The following LRP1B variants were observed in gnomAD, a reference collection of about 807,000 sequenced individuals.
LRP1B encodes LDL receptor related protein 1B, also known as low-density lipoprotein receptor-related protein 1B.
Under a neutral mutation model 556.6 loss-of-function variants are expected in LRP1B, and 217 were observed. The ratio of observed to expected loss-of-function variants is 0.39; its 90% CI spans 0.35 to 0.44. LRP1B has a LOEUF of 0.44. Among genes scored for constraint, LRP1B ranks in the 20% least tolerant of loss-of-function variants. LRP1B has a pLI of 1.00. For missense variants in LRP1B, 5,053 were observed against 5,620.8 expected, an observed-to-expected ratio of 0.90 and a Z score of 3.23; for synonymous variants, 2,047 against 1,865.8, an observed-to-expected ratio of 1.10 and a Z score of -2.50.
chr2:140,631,983 A>G (rs1683903452), intron 41 of LRP1B, among the ~76,000 whole-genome samples: 1 of 152,158 alleles, frequency 6.6e-6, no homozygotes, highest in Non-Finnish European at 1.5e-5. Flanking sequence ...AACAAGCAAA[A>G]AGACTGGTAT....
chr2:141,588,343 A>G (rs1431370141), intron 2 of LRP1B, among the ~76,000 whole-genome samples: 1 of 151,980 alleles, frequency 6.6e-6, no homozygotes, highest in Admixed American at 6.6e-5. Context: ...CCTAGAAAAC[A>G]TAATACTGGC....
intron 41 of LRP1B, among the ~76,000 whole-genome samples, chr2:140,612,369 T>C (rs1317377638): frequency 6.6e-6 from 1 of 152,152 alleles, no homozygotes; most frequent in Non-Finnish European, 1.5e-5. Context: ...TTGTATTTCT[T>C]ACTAGCATTA....
At chr2:141,248,085 G>A (rs1418726016) in intron 4 of LRP1B, among the ~76,000 whole-genome samples, 1 of 152,014 alleles carries the variant, frequency 6.6e-6, no homozygotes, top group Non-Finnish European at 1.5e-5. Flanking sequence ...GTGTGTGCCT[G>A]TACCCCTTCA....
intron 1 of LRP1B, among the ~76,000 whole-genome samples, chr2:141,895,556 G>A (rs534599310): frequency 6.4e-4 from 98 of 152,300 alleles, no homozygotes; most frequent in African/African-American, 1.9e-3. Context: ...GTGAGGACTG[G>A]AGGAAAGGAA....
intron 1 of LRP1B, among the ~76,000 whole-genome samples, chr2:142,081,607 A>T (rs1202128461): frequency 6.6e-6 from 1 of 152,190 alleles, no homozygotes; most frequent in Non-Finnish European, 1.5e-5. Flanking sequence ...TTTGAATTTG[A>T]GGTTAACAAT....
At chr2:140,502,158 C>A (rs1689228338) in intron 54 of LRP1B, among the ~76,000 whole-genome samples, 1 of 151,956 alleles carries the variant, frequency 6.6e-6, no homozygotes, top group African/African-American at 2.4e-5. Flanking sequence ...ATTTCTGCCT[C>A]CTCTATTTTG....
intron 79 of LRP1B, among the ~76,000 whole-genome samples, chr2:140,332,099 G>T (rs911931809): frequency 6.6e-6 from 1 of 152,042 alleles, no homozygotes; most frequent in Non-Finnish European, 1.5e-5. Flanking sequence ...AAAACCAGGT[G>T]TATCTGACTC....
At chr2:141,462,089 T>C (rs577768375) in intron 3 of LRP1B, among the ~76,000 whole-genome samples, 1 of 152,318 alleles carries the variant, frequency 6.6e-6, no homozygotes, top group African/African-American at 2.4e-5. Context: ...AAAGTTGGTA[T>C]AAATCAATTT....
intron 2 of LRP1B, among the ~76,000 whole-genome samples, chr2:141,709,180 C>T (rs1413939832): frequency 6.6e-6 from 1 of 151,800 alleles, no homozygotes. Flanking sequence ...GAAACCCCGT[C>T]TCTACAAAAA....
At chr2:140,425,209 C>A (rs1028964688) in intron 66 of LRP1B, among the ~76,000 whole-genome samples, 9 of 152,150 alleles carry the variant, frequency 5.9e-5, no homozygotes, top group Non-Finnish European at 1.3e-4. Context: ...CTGTTAGTGA[C>A]AATAGATAGT....
intron 24 of LRP1B, among the ~76,000 whole-genome samples, chr2:140,885,811 A>G (rs1280660552): frequency 1.3e-5 from 2 of 151,950 alleles, no homozygotes; most frequent in African/African-American, 4.8e-5. Flanking sequence ...AAAAAAAAAA[A>G]AAAACAAGTT....
At chr2:141,780,581 C>T (rs76869360) in intron 2 of LRP1B, among the ~76,000 whole-genome samples, 1 of 152,260 alleles carries the variant, frequency 6.6e-6, no homozygotes, top group East Asian at 1.9e-4. Context: ...TTTAAGCTAT[C>T]GCGTGGCATC....
At chr2:142,094,686 CTG>C (rs1706296724) in intron 1 of LRP1B, among the ~76,000 whole-genome samples, 1 of 151,830 alleles carries the variant, frequency 6.6e-6, no homozygotes, top group African/African-American at 2.4e-5. Context: ...TGACACAACC[CTG>C]TGTTCTAGAA....
chr2:140,712,863 T>A (rs763553682), intron 37 of LRP1B, among the ~76,000 whole-genome samples: 9 of 152,088 alleles, frequency 5.9e-5, no homozygotes, highest in Non-Finnish European at 1.3e-4. Flanking sequence ...ACACTGTTCT[T>A]CCTTAAACTC....
At position 141,175,826 on chromosome 2, in the gene LRP1B, G is replaced by A. The variant is rs1463034906; in HGVS notation, c.1013+12595C>T. Among the ~76,000 whole-genome samples the A allele has an allele frequency of 5.9e-5, 9 of 152,240 alleles. No homozygotes were observed. In the East Asian group the frequency reaches 1.8e-3, roughly 30 times the overall value. ...GCATAGGCATTCAACAACAACCCAT[G>A]AAAGCAACTGTGGGGCTGTACCATG... On this transcript the variant is annotated intron_variant, in intron 7 of 90. Transcript: ENST00000389484.
intron 25 of LRP1B, among the ~76,000 whole-genome samples, chr2:140,873,398 G>T (rs533256829): frequency 5.0e-4 from 76 of 152,138 alleles, no homozygotes; most frequent in African/African-American, 1.8e-3. Context: ...CAGGCAGTAA[G>T]GTTTGTTTTG....
chr2:140,922,580 G>A (rs746853229), intron 21 of LRP1B, among the ~76,000 whole-genome samples: 1 of 151,866 alleles, frequency 6.6e-6, no homozygotes, highest in Non-Finnish European at 1.5e-5. Context: ...CAGCTGGTTT[G>A]GCATGCTTAT....
At chr2:141,143,729 C>G (rs1334403352) in intron 7 of LRP1B, among the ~76,000 whole-genome samples, 1 of 152,080 alleles carries the variant, frequency 6.6e-6, no homozygotes, top group African/African-American at 2.4e-5. Context: ...GCAGAAAATT[C>G]AACTCTCAAC....
intron 4 of LRP1B, among the ~76,000 whole-genome samples, chr2:141,250,767 A>G (rs1438380725): frequency 6.6e-6 from 1 of 152,104 alleles, no homozygotes; most frequent in Non-Finnish European, 1.5e-5. Context: ...TAATGTCAGA[A>G]TTGGGTTGAA....
Sources: gnomAD v4.1 joint callset for allele counts (sites outside exome capture counted in the v4.1 genomes callset) on GRCh38, gnomAD v4.1.1 for gene constraint, MANE v1.5 for transcripts, NCBI Gene and HGNC (gene_info 2026-07-23, HGNC 2026-07-21) for gene names.